Variants in PEX5L observed in about 807,000 individuals in gnomAD.
PEX5L encodes PEX5-related protein.
A neutral mutation model predicts 84.0 loss-of-function variants in PEX5L; 30 were observed. The ratio of observed to expected loss-of-function variants is 0.36; its 90% CI spans 0.27 to 0.48. The LOEUF (loss-of-function observed/expected upper bound fraction) is 0.48. Among genes scored for constraint, PEX5L ranks in the 20% least tolerant of loss-of-function variants. The probability of loss-of-function intolerance (pLI) is 0.99; values close to 1 mark genes in which losing one functional copy is unlikely to be tolerated. For synonymous variants in PEX5L, 270 were observed against 283.1 expected (o/e 0.95, Z 0.46); for missense variants, 533 against 754.6 (o/e 0.71, Z 3.44).
intron 2 of PEX5L, among the ~76,000 whole-genome samples, chr3:179,968,153 T>G (rs1217252368): frequency 6.6e-6 from 1 of 152,152 alleles, no homozygotes; most frequent in African/African-American, 2.4e-5. Flanking sequence ...GTCTATAAAT[T>G]TATTAGTCTT....
chr3:179,900,883 A>G (rs778352002), intron 2 of PEX5L: 76 of 606,522 alleles, frequency 1.3e-4, no homozygotes, highest in Middle Eastern at 2.6e-4. Context: ...GGTCTGCCAC[A>G]ATGACATCTC....
chr3:179,834,324 G>C (rs990724039), intron 8 of PEX5L, among the ~76,000 whole-genome samples: 5 of 152,256 alleles, frequency 3.3e-5, no homozygotes, highest in Admixed American at 2.0e-4. Context: ...CTTCCTGGAA[G>C]GGTGAGGATT....
chr3:179,909,964 G>A (rs1343639970), intron 2 of PEX5L, among the ~76,000 whole-genome samples: 1 of 152,116 alleles, frequency 6.6e-6, no homozygotes, highest in Non-Finnish European at 1.5e-5. Flanking sequence ...ACCAATCTGT[G>A]GTACTTTGTC....
intron 2 of PEX5L, among the ~76,000 whole-genome samples, chr3:179,912,129 C>G (rs1365472466): frequency 6.6e-6 from 1 of 152,118 alleles, no homozygotes; most frequent in African/African-American, 2.4e-5. Context: ...CTGTATCTCT[C>G]TATCTCCTAT....
chr3:179,837,796 C>T (rs560750244), intron 8 of PEX5L, among the ~76,000 whole-genome samples: 11 of 152,280 alleles, frequency 7.2e-5, no homozygotes, highest in African/African-American at 2.6e-4. Context: ...TGGGTATTGT[C>T]AAAACTCAGT....
At chr3:179,942,520 C>G (rs1033129090) in intron 2 of PEX5L, among the ~76,000 whole-genome samples, 12 of 152,214 alleles carry the variant, frequency 7.9e-5, no homozygotes, top group South Asian at 4.1e-4. Flanking sequence ...GGTAGGCACT[C>G]GGAGGCGCGG....
At chr3:179,974,786 A>C (rs141519220) in intron 1 of PEX5L, among the ~76,000 whole-genome samples, 1 of 152,262 alleles carries the variant, frequency 6.6e-6, no homozygotes, top group Non-Finnish European at 1.5e-5. Flanking sequence ...GACTTCCACC[A>C]TCTCTCCTTA....
chr3:180,036,718 A>T lies in PEX5L; in HGVS notation c.-119T>A. The T allele has an allele frequency of 9.5e-7, 1 of 1,052,604 alleles. No homozygotes were observed. The highest frequency in any genetic ancestry group is 1.3e-5 in the South Asian group (1 of 77,620). The allele number at this position is 1,052,604 out of a possible 1,614,324, so 65.2% of individuals were successfully genotyped here. On this transcript the variant is annotated 5_prime_UTR_variant, in exon 1 of 15. Coordinates refer to ENST00000467460, the MANE Select transcript of PEX5L (RefSeq NM_016559.3). ...AGCGGGTTCTCAGAGGGTGCTCCTG[A>T]GCCCCCTGGAGCTCCGGGTACTCGG...
chr3:179,845,200 A>G (rs1379934142), intron 8 of PEX5L, among the ~76,000 whole-genome samples: 1 of 152,134 alleles, frequency 6.6e-6, no homozygotes, highest in Non-Finnish European at 1.5e-5. Flanking sequence ...ATAATCCAAT[A>G]TATTCTGATT....
intron 3 of PEX5L, among the ~76,000 whole-genome samples, chr3:179,896,448 C>G (rs1469980428): frequency 6.6e-6 from 1 of 152,068 alleles, no homozygotes; most frequent in Non-Finnish European, 1.5e-5. Flanking sequence ...GAACTTGGTA[C>G]AAACAAATGT....
At chr3:179,934,420 A>C (rs1774012838) in intron 2 of PEX5L, among the ~76,000 whole-genome samples, 1 of 152,206 alleles carries the variant, frequency 6.6e-6, no homozygotes, top group Non-Finnish European at 1.5e-5. Flanking sequence ...TGTACCATGC[A>C]CTAAGAACCT....
intron 2 of PEX5L, among the ~76,000 whole-genome samples, chr3:179,905,397 C>G (rs553465098): frequency 6.6e-6 from 1 of 152,008 alleles, no homozygotes; most frequent in Non-Finnish European, 1.5e-5. Context: ...CTCAGTCTCC[C>G]GAGTAGCTGG....
chr3:179,829,943 ATTTTTTTTTTTTTT>A, intron 8 of PEX5L, among the ~76,000 whole-genome samples: 1 of 83,628 alleles, frequency 1.2e-5, no homozygotes, highest in African/African-American at 4.9e-5. Flanking sequence ...GGCCTGGCTA[ATTTTTTTTTTTTTT>A]TTTTTTTTTT....
chr3:179,874,132 CAT>C (rs10641654), intron 7 of PEX5L, among the ~76,000 whole-genome samples, 193 bp downstream of exon 7: 12,712 of 149,464 alleles, frequency 0.085, 705 homozygotes, highest in Non-Finnish European at 0.13. Context: ...TGTAGATATA[CAT>C]ATATATATAT....
intron 2 of PEX5L, among the ~76,000 whole-genome samples, chr3:179,951,797 C>T (rs1243544090): frequency 3.3e-5 from 5 of 152,096 alleles, no homozygotes; most frequent in African/African-American, 4.8e-5. Flanking sequence ...AAAAGAGGAG[C>T]AATGTTCATG....
chr3:179,914,243 T>G (rs1252426077), intron 2 of PEX5L, among the ~76,000 whole-genome samples: 1 of 152,156 alleles, frequency 6.6e-6, no homozygotes, highest in Non-Finnish European at 1.5e-5. Flanking sequence ...CTTGGAGCCC[T>G]TTTCTCTGCT....
intron 1 of PEX5L, among the ~76,000 whole-genome samples, chr3:180,005,248 T>C (rs1788772303): frequency 1.3e-5 from 2 of 151,620 alleles, no homozygotes; most frequent in Non-Finnish European, 1.5e-5. Flanking sequence ...GCGGGGATTT[T>C]AAAAAGTTTT....
intron 2 of PEX5L, among the ~76,000 whole-genome samples, chr3:179,931,407 G>C (rs1773073828): frequency 6.6e-6 from 1 of 152,178 alleles, no homozygotes. Context: ...GAGTTGGTTG[G>C]GGGCAGACTT....
At chr3:179,955,584 T>C (rs1393546435) in intron 2 of PEX5L, among the ~76,000 whole-genome samples, 1 of 151,964 alleles carries the variant, frequency 6.6e-6, no homozygotes, top group African/African-American at 2.4e-5. Flanking sequence ...ATGTGGGCTA[T>C]GTAATTTCTT....
Sources: allele counts gnomAD v4.1 joint callset (sites outside exome capture counted in the v4.1 genomes callset), GRCh38; gene constraint gnomAD v4.1.1; transcripts MANE v1.5; gene names NCBI Gene and HGNC (gene_info 2026-07-23, HGNC 2026-07-21).